Variants in TCERG1 observed in about 807,000 individuals in gnomAD.
The protein encoded by TCERG1 is TATA box binding protein (TBP)-associated factor, RNA polymerase II, S, 150kD.
In TCERG1, 37 loss-of-function variants were observed where a neutral mutation model predicts 144.7. The observed-to-expected ratio is 0.26, with a 90% CI of 0.20 to 0.34. TCERG1 has a LOEUF of 0.34. Ranked by LOEUF, TCERG1 falls within the 10% of genes least tolerant of loss-of-function variation. The probability of loss-of-function intolerance (pLI) is 1.00; values close to 1 mark genes in which losing one functional copy is unlikely to be tolerated. For synonymous variants in TCERG1, 492 were observed against 458.2 expected (o/e 1.07, Z -0.94); for missense variants, 1,027 against 1,380.7 (o/e 0.74, Z 4.06).
At chr5:146,462,310 T>C (rs140056363) in intron 4 of TCERG1, among the ~76,000 whole-genome samples, 23 of 152,312 alleles carry the variant, frequency 1.5e-4, no homozygotes, top group African/African-American at 5.5e-4. Context: ...ACAAATTCAT[T>C]CTTAGTCCGA....
chr5:146,506,467 C>G (rs562394568), intron 19 of TCERG1, among the ~76,000 whole-genome samples: 18 of 152,238 alleles, frequency 1.2e-4, no homozygotes, highest in Admixed American at 9.8e-4. Flanking sequence ...TAAACCAAAG[C>G]TGTTTAACAT....
At chr5:146,482,346 C>T (rs12658559) in intron 13 of TCERG1, 40,342 of 275,706 alleles carry the variant, frequency 0.15, 5,846 homozygotes, top group East Asian at 0.73. Flanking sequence ...GAGAGACAGC[C>T]CATTAAAGGT....
At chr5:146,486,895 C>T (rs56205275) in intron 15 of TCERG1, among the ~76,000 whole-genome samples, 37,522 of 151,764 alleles carry the variant, frequency 0.25, 5,727 homozygotes, top group East Asian at 0.83. Flanking sequence ...GCCAACATGG[C>T]GAAACCTCAT....
chr5:146,476,548 C>T (rs1160663452), intron 9 of TCERG1, among the ~76,000 whole-genome samples: 1 of 150,684 alleles, frequency 6.6e-6, no homozygotes, highest in Admixed American at 6.6e-5. Flanking sequence ...TACACAGGCT[C>T]ATTTAAAAAA....
At chr5:146,471,963 C>A (rs1427403089) in intron 9 of TCERG1, among the ~76,000 whole-genome samples, 1 of 152,114 alleles carries the variant, frequency 6.6e-6, no homozygotes, top group Non-Finnish European at 1.5e-5. Flanking sequence ...AGAAAAAGTA[C>A]TTTAAAAAGT....
intron 19 of TCERG1, 87 bp from the exon 20 acceptor site, chr5:146,506,941 G>A (rs569441772): frequency 8.7e-7 from 1 of 1,146,040 alleles, no homozygotes; most frequent in East Asian, 2.6e-5. Context: ...CTTGGCTATT[G>A]TGAATAATGC....
rs1488892335 is a variant in TCERG1 at position 146,459,190 on chromosome 5, G to T, written c.745G>T (p.Ala249Ser). Residue 249 changes from alanine (A) to serine (S), a missense_variant, in exon 4 of 23, where the codon GCA (alanine) becomes TCA (serine). Coordinates refer to ENST00000679501, the MANE Select transcript of TCERG1 (RefSeq NM_001382548.1). ...AQAQVQAQVQ[A>S]QVQAQAVGAS... ...GGCTCAGGTCCAGGCCCAGGTCCAG[G>T]CACAAGTGCAAGCACAAGCAGTTGG... The T allele has an allele frequency of 6.2e-7, 1 of 1,614,220 alleles. No homozygotes were observed. Among genetic ancestry groups the T allele is most frequent in the Non-Finnish European group, 8.5e-7 (1 of 1,180,038 alleles).
Position 146,507,313 on chromosome 5 carries a change from T to A in TCERG1, c.2961+106T>A. On this transcript the variant is annotated intron_variant, in intron 20 of 22. Transcript: ENST00000679501. This position sits in a 1 kb window ranked among gnomAD's most constrained non-coding sequence, Gnocchi z 4.6. Reference sequence around the variant, plus strand: ...TTAGTGTCATGGTCTTTAGATTCATTACTGGAATGCATCTTATGACAATTC... The same window carrying A: ...TTAGTGTCATGGTCTTTAGATTCATAACTGGAATGCATCTTATGACAATTC... 1 of 1,022,232 alleles carries A rather than the reference T, an allele frequency of 9.8e-7. No homozygotes were observed. Among genetic ancestry groups the A allele is most frequent in the Non-Finnish European group, 1.4e-6 (1 of 719,636 alleles). 63.3% of individuals were successfully genotyped at this position (1,022,232 alleles called of 1,614,324 possible). A position where few individuals can be genotyped will look rare whatever the true frequency, so the allele number is the denominator to read the frequency against.
chr5:146,502,793 G>T (rs933720472), intron 17 of TCERG1, among the ~76,000 whole-genome samples: 3 of 152,030 alleles, frequency 2.0e-5, no homozygotes, highest in Admixed American at 6.6e-5. Context: ...ACATATCAAG[G>T]TGTACAGCTG....
chr5:146,473,778 G>T (rs920047894), intron 9 of TCERG1, among the ~76,000 whole-genome samples: 2 of 152,188 alleles, frequency 1.3e-5, no homozygotes, highest in Admixed American at 6.5e-5. Flanking sequence ...TAAGCCCACT[G>T]TTGAGACTTA....
chr5:146,473,168 A>G (rs1764508808), intron 9 of TCERG1, among the ~76,000 whole-genome samples: 1 of 152,244 alleles, frequency 6.6e-6, no homozygotes, highest in Non-Finnish European at 1.5e-5. Context: ...TCATGTGAAC[A>G]TAAGAATGAT....
intron 10 of TCERG1, 65 bp downstream of exon 10, chr5:146,478,718 G>T: frequency 6.9e-7 from 1 of 1,442,938 alleles, no homozygotes; most frequent in East Asian, 2.4e-5. Flanking sequence ...GATAGAAAAT[G>T]TGGAAGGCAT....
At position 146,454,747 on chromosome 5, in the gene TCERG1, G is replaced by A. The variant is rs182281420; in HGVS notation, c.60-309G>A. Among the ~76,000 whole-genome samples, 390 of 152,178 alleles carry A rather than the reference G, an allele frequency of 2.6e-3. 4 individuals are homozygous for A. Among genetic ancestry groups the A allele is most frequent in the Admixed American group, 1.2e-3 (19 of 15,288 alleles). ...CCAATAGCAGGACTTACAGGCGTGC[G>A]CCTCCATACCTGGCTGATTTTTGTA... On this transcript the variant is annotated intron_variant, in intron 1 of 22. Coordinates refer to ENST00000679501, the MANE Select transcript of TCERG1 (RefSeq NM_001382548.1).
At chr5:146,482,305 C>A in intron 13 of TCERG1, 1 of 192,498 alleles carries the variant, frequency 5.2e-6, no homozygotes, top group Non-Finnish European at 1.0e-5. Context: ...AGTAAGGTTG[C>A]TCCCTTTTTA....
intron 16 of TCERG1, among the ~76,000 whole-genome samples, chr5:146,493,508 A>T (rs1231018397): frequency 6.6e-6 from 1 of 152,100 alleles, no homozygotes; most frequent in Admixed American, 6.5e-5. Flanking sequence ...GAGACATTTT[A>T]AATTTATTTG....
At position 146,505,158 on chromosome 5, in the gene TCERG1, T is replaced by TACATTCAG. The variant is rs568890819; in HGVS notation, c.2781+1154_2781+1161dup. ...GAAAGTTTATGAATTTGTGTTGGGG[T>TACATTCAG]ACATTCAGAGCCATCCTGAGTTGCA... On this transcript the variant is annotated intron_variant, in intron 19 of 22. Transcript: ENST00000679501. 9.0e-4 allele frequency among the ~76,000 whole-genome samples: 135 copies of TACATTCAG among 150,458 alleles called. 1 individual carries two copies. The highest frequency in any genetic ancestry group is 3.2e-3 in the African/African-American group (131 of 40,810).
intron 4 of TCERG1, 109 bp from the exon 5 acceptor site, chr5:146,463,442 A>G (rs1345895003): frequency 3.3e-6 from 5 of 1,503,658 alleles, no homozygotes; most frequent in Non-Finnish European, 4.5e-6. Context: ...CTTGCAGTGC[A>G]TAGAATGGTC....
chr5:146,470,897 T>TG, intron 8 of TCERG1, 149 bp downstream of exon 8: 2 of 455,102 alleles, frequency 4.4e-6, no homozygotes, highest in South Asian at 7.6e-5. Flanking sequence ...CTTAATTCAG[T>TG]TTTTTCTTTG....
intron 1 of TCERG1, among the ~76,000 whole-genome samples, chr5:146,448,555 A>G (rs1429634729): frequency 1.3e-5 from 2 of 152,238 alleles, no homozygotes; most frequent in African/African-American, 4.8e-5. Context: ...GAAAAAGAGC[A>G]GGGTAGATTA....
Sources: allele counts gnomAD v4.1 joint callset (sites outside exome capture counted in the v4.1 genomes callset), GRCh38; gene constraint gnomAD v4.1.1; non-coding constraint Gnocchi (gnomAD v3.1); transcripts MANE v1.5; gene names NCBI Gene and HGNC (gene_info 2026-07-23, HGNC 2026-07-21).